Variants in BOD1L1 observed in about 807,000 individuals in gnomAD.
BOD1L1 encodes the protein biorientation of chromosomes in cell division 1 like 1.
A neutral mutation model predicts 240.7 loss-of-function variants in BOD1L1; 86 were observed. That is an observed-to-expected ratio of 0.36 (90% CI 0.30 to 0.43). BOD1L1 has a LOEUF of 0.43. Among genes scored for constraint, BOD1L1 ranks in the 20% least tolerant of loss-of-function variants. The pLI, the probability that BOD1L1 is intolerant of heterozygous loss-of-function variation, is 1.00. For missense variants in BOD1L1, 3,554 were observed against 3,643.5 expected (o/e 0.98, Z 0.63); for synonymous variants, 1,268 against 1,272.3 (o/e 1.00, Z 0.07).
rs369117001 is a variant in BOD1L1 at position 13,604,579 on chromosome 4, T to C, written c.2321A>G (p.Lys774Arg). 6.4e-7 allele frequency: 1 copy of C among 1,566,242 alleles called. No individual in the cohort carries two copies. The highest frequency in any genetic ancestry group is 8.6e-7 in the Non-Finnish European group (1 of 1,165,076). Residue 774 changes from lysine (K) to arginine (R), a missense_variant, in exon 10 of 26, where the codon AAG (lysine) becomes AGG (arginine). Lys to Arg is a conservative substitution (Grantham distance 26). Coordinates refer to ENST00000040738, the MANE Select transcript of BOD1L1 (RefSeq NM_148894.3). ...AGAAAGCTTTGTTTGTTGACTTTGC[T>C]TTTGAATATTTTCCTCTACTTTTAA... ...KGLKVEENIQ[K>R]QSQQTKLSSD...
chr4:13,622,403 G>A lies in BOD1L1; in HGVS notation c.244-2336C>T, dbSNP rs560468597. On this transcript the variant is annotated intron_variant, in intron 1 of 25. Transcript: ENST00000040738. ...TAGAGAAATATTAAGTATTCATTGA[G>A]AAGTATTCTCCTAGGAACATGTATG... Among the ~76,000 whole-genome samples the A allele has an allele frequency of 1.0e-3, 158 of 152,238 alleles. 1 individual carries two copies. The highest frequency in any genetic ancestry group is 3.4e-3 in the Middle Eastern group (1 of 294).
intron 3 of BOD1L1, among the ~76,000 whole-genome samples, chr4:13,615,016 A>G (rs1192865365): frequency 3.9e-5 from 6 of 152,184 alleles, no homozygotes; most frequent in Non-Finnish European, 8.8e-5. Flanking sequence ...TAGCGAGGGC[A>G]CCATGCAAAT....
At chr4:13,581,346 T>G in intron 19 of BOD1L1, 139 bp from the exon 20 acceptor site, 2 of 617,340 alleles carry the variant, frequency 3.2e-6, no homozygotes, top group Non-Finnish European at 5.5e-6. Context: ...TAAAAATATG[T>G]GATGTAGGGC....
At chr4:13,615,928 T>C (rs1337329531) in intron 2 of BOD1L1, among the ~76,000 whole-genome samples, 1 of 152,048 alleles carries the variant, frequency 6.6e-6, no homozygotes. Context: ...AGAAAAAATG[T>C]AAGCTTTTTA....
rs1029825400 is a variant in BOD1L1 at position 13,598,896 on chromosome 4, A to G, written c.7954+50T>C. Reference sequence around the variant, plus strand: ...GACTGTCCTAAATGCACTCTGTTGTACAATCATCCTTGTAAATATTAAAAT... The same window carrying G: ...GACTGTCCTAAATGCACTCTGTTGTGCAATCATCCTTGTAAATATTAAAAT... On this transcript the variant is annotated intron_variant, in intron 10 of 25. Coordinates refer to ENST00000040738, the MANE Select transcript of BOD1L1 (RefSeq NM_148894.3). The G allele has an allele frequency of 6.5e-6, 10 of 1,528,684 alleles. No individual in the cohort carries two copies. The African/African-American group carries it at 1.2e-4, about 19-fold the overall frequency. 94.7% of individuals were successfully genotyped at this position (1,528,684 alleles called of 1,614,324 possible).
intron 2 of BOD1L1, among the ~76,000 whole-genome samples, chr4:13,618,867 T>TAAA (rs11367235): frequency 1.4e-5 from 2 of 146,668 alleles, no homozygotes; most frequent in Non-Finnish European, 1.5e-5. Context: ...GTTTAACTGT[T>TAAA]AAAAAAAAAA....
chr4:13,613,072 T>C lies in BOD1L1; in HGVS notation c.1324+440A>G, dbSNP rs187168997. On this transcript the variant is annotated intron_variant, in intron 5 of 25. Transcript: ENST00000040738. The surrounding 1 kb of genome is among the most constrained non-coding windows in gnomAD (Gnocchi z 4.0). ...TGAGCACCTTAACTGTAAACAACCA[T>C]AGCTGTGAGTATACCACCTTTCGGT... Among the ~76,000 whole-genome samples the C allele has an allele frequency of 2.6e-5, 4 of 152,304 alleles. No homozygotes were observed. Among genetic ancestry groups the C allele is most frequent in the Admixed American group, 2.0e-4 (3 of 15,296 alleles).
rs1453241145 is a variant in BOD1L1, at chr4:13,627,656, G to C, written c.-69C>G. The stretch of plus-strand genomic sequence containing the variant: ...ATCCTGGGAGGCGGCGGCTGCACTG[G>C]TCCCGCCGCCTGAGGGAAGCCAACG... On this transcript the variant is annotated 5_prime_UTR_variant, in exon 1 of 26. Coordinates refer to ENST00000040738, the MANE Select transcript of BOD1L1 (RefSeq NM_148894.3). 9.3e-7 allele frequency: 1 copy of C among 1,072,042 alleles called. No individual in the cohort carries two copies. The highest frequency in any genetic ancestry group is 1.1e-6 in the Non-Finnish European group (1 of 883,708). The allele number at this position is 1,072,042 out of a possible 1,614,324, so 66.4% of individuals were successfully genotyped here.
Position 13,627,359 on chromosome 4 carries a change from C to A in BOD1L1, c.229G>T (p.Asp77Tyr). Residue 77 changes from aspartate to tyrosine, a missense_variant, in exon 1 of 26, where the codon GAC becomes TAC. Coordinates refer to ENST00000040738, the MANE Select transcript of BOD1L1 (RefSeq NM_148894.3). The part of the protein sequence containing the change: ...FDQFRRDCLA[D>Y]VDTKPAYQNL... ...GCGCTCCTAACCTTGGTGTCCACGTCGGCCAGGCAGTCTCTGCGGAACTGG... is the reference window on the plus strand; with the variant it reads ...GCGCTCCTAACCTTGGTGTCCACGTAGGCCAGGCAGTCTCTGCGGAACTGG... 1 of 1,334,912 alleles carries A rather than the reference C, an allele frequency of 7.5e-7. No homozygotes were observed. The highest frequency in any genetic ancestry group is 3.0e-5 in the Admixed American group (1 of 33,496). 82.7% of individuals were successfully genotyped at this position (1,334,912 alleles called of 1,614,324 possible). A position where few individuals can be genotyped will look rare whatever the true frequency, so the allele number is the denominator to read the frequency against.
rs762468790 is a variant in BOD1L1, at chr4:13,602,888, G to A, written c.4012C>T (p.Leu1338Phe). ...QSLTVRESEVLKTSDSKEGGE... is the reference protein window; with the variant it reads ...QSLTVRESEVFKTSDSKEGGE... Reference sequence around the variant, plus strand: ...CCTTCTTTGCTGTCACTTGTCTTAAGGACTTCTGATTCCCTAACAGTCAGA... The same window carrying A: ...CCTTCTTTGCTGTCACTTGTCTTAAAGACTTCTGATTCCCTAACAGTCAGA... Residue 1338 changes from leucine to phenylalanine, a missense_variant, in exon 10 of 26, where the codon CTT becomes TTT. Leu to Phe is a conservative substitution (Grantham distance 22). Transcript: ENST00000040738. 1.5e-5 allele frequency: 25 copies of A among 1,613,834 alleles called. No individual in the cohort carries two copies. The highest frequency in any genetic ancestry group is 1.9e-5 in the Non-Finnish European group (23 of 1,179,894).
In BOD1L1 at chr4:13,599,605, T is replaced by C; in HGVS notation, c.7295A>G (p.Glu2432Gly). 1 of 1,614,062 alleles carries C rather than the reference T, an allele frequency of 6.2e-7. No individual in the cohort carries two copies. Among genetic ancestry groups the C allele is most frequent in the South Asian group, 1.1e-5 (1 of 91,090 alleles). Residue 2432 changes from glutamate to glycine, a missense_variant, in exon 10 of 26, where the codon GAG (glutamate) becomes GGG (glycine). Around this residue, in one of 2 missense-constraint regions of BOD1L1, gnomAD observed 3,393 missense variants for 3,427.1 expected, o/e 0.99. Coordinates refer to ENST00000040738, the MANE Select transcript of BOD1L1 (RefSeq NM_148894.3). ...HPSAVCAEKE[E>G]KHGKECPEIG... ...TTCGGGGCACTCCTTGCCATGCTTC[T>C]CTTCTTTTTCCGCACAAACAGCACT...
chr4:13,627,469 C>A lies in BOD1L1; in HGVS notation c.119G>T (p.Gly40Val), dbSNP rs1419284845. The change falls in exon 1 of 26, where the codon GGG (glycine) becomes GTG (valine). Residue 40 changes from glycine (G) to valine (V), a missense_variant. By Grantham distance (109) the Gly-to-Val change is moderately radical (BLOSUM62 -3). Coordinates refer to ENST00000040738, the MANE Select transcript of BOD1L1 (RefSeq NM_148894.3). ...GGCGCCCGCACCCGCGCCGCCCGCCCCGCCCGCGCCGGGGCCAGCCCCGGG... is the reference window on the plus strand; with the variant it reads ...GGCGCCCGCACCCGCGCCGCCCGCCACGCCCGCGCCGGGGCCAGCCCCGGG... The part of the protein sequence containing the change: ...PGPGAGPGAG[G>V]AGGAGAGAGD... 5 of 1,055,236 alleles carry A rather than the reference C, an allele frequency of 4.7e-6. No homozygotes were observed. The highest frequency in any genetic ancestry group is 3.7e-5 in the South Asian group (1 of 27,396). 65.4% of individuals were successfully genotyped at this position (1,055,236 alleles called of 1,614,324 possible).
At chr4:13,609,921 GA>G (rs1436809049) in intron 6 of BOD1L1, among the ~76,000 whole-genome samples, 14 of 152,292 alleles carry the variant, frequency 9.2e-5, no homozygotes, top group African/African-American at 3.4e-4. Context: ...TTTTACAGCA[GA>G]AAGAATTCAC....
At chr4:13,581,083 C>T (rs769231233) in intron 20 of BOD1L1, 29 bp from the exon 21 acceptor site, 12 of 1,562,840 alleles carry the variant, frequency 7.7e-6, no homozygotes, top group Admixed American at 1.9e-5. Context: ...CTTAGAAAAT[C>T]GGTTCGAAAA....
chr4:13,576,603 C>T (rs925530068), intron 25 of BOD1L1, among the ~76,000 whole-genome samples: 4 of 151,838 alleles, frequency 2.6e-5, no homozygotes, highest in African/African-American at 9.7e-5. Context: ...ATGGGTTCCA[C>T]CAAATAGGCA....
At chr4:13,592,554 TCCAAAAA>T (rs1437192529) in intron 12 of BOD1L1, 1 of 152,238 alleles carries the variant, frequency 6.6e-6, no homozygotes, top group Non-Finnish European at 1.5e-5. Context: ...GACTTCAGAA[TCCAAAAA>T]TGTTAGCTTC....
intron 13 of BOD1L1, among the ~76,000 whole-genome samples, chr4:13,590,984 G>A (rs2108915415): frequency 6.6e-6 from 1 of 152,268 alleles, no homozygotes; most frequent in African/African-American, 2.4e-5. Flanking sequence ...TCAAGGGACT[G>A]AGGTAGGATG....
Position 13,602,835 on chromosome 4 carries a change from T to A in BOD1L1, c.4065A>T (p.Pro1355=). Residue 1355 remains proline, a synonymous_variant, in exon 10 of 26, where the codon CCA becomes CCT. Coordinates refer to ENST00000040738, the MANE Select transcript of BOD1L1 (RefSeq NM_148894.3). ...TTTTGCTAGTGATGCTTGCTTTTGC[T>A]GGTGTATCTACTGTGAAACCTTCAC... ...EGGEGFTVDT[P]AKASITSKRH... is the part of the protein sequence containing the mutation. The A allele has an allele frequency of 6.2e-7, 1 of 1,614,060 alleles. No individual in the cohort carries two copies. The highest frequency in any genetic ancestry group is 8.5e-7 in the Non-Finnish European group (1 of 1,179,894).
chr4:13,593,570 G>C (rs1278156674), intron 12 of BOD1L1: 1 of 152,082 alleles, frequency 6.6e-6, no homozygotes, highest in East Asian at 1.9e-4. Context: ...AAGATGGGGT[G>C]GGGGAAGAGA....
Sources: gnomAD v4.1 joint callset for allele counts (sites outside exome capture counted in the v4.1 genomes callset) on GRCh38, gnomAD v4.1.1 for gene constraint, gnomAD v4.1.1 regional missense constraint, Gnocchi (gnomAD v3.1) non-coding constraint, MANE v1.5 for transcripts, NCBI Gene and HGNC (gene_info 2026-07-23, HGNC 2026-07-21) for gene names.